Variants in MYH6 observed in about 807,000 individuals in gnomAD.
MYH6 encodes the protein myosin heavy chain 6.
A neutral mutation model predicts 223.2 loss-of-function variants in MYH6; 126 were observed. The observed-to-expected ratio is 0.56, with a 90% CI of 0.49 to 0.65. The LOEUF is 0.65. Among genes scored for constraint, MYH6 ranks in the 30% least tolerant of loss-of-function variants. The pLI, the probability that MYH6 is intolerant of heterozygous loss-of-function variation, is 0.00. For synonymous variants in MYH6, 978 were observed against 1,010.2 expected (o/e 0.97, Z 0.61); for missense variants, 2,040 against 2,536.4 (o/e 0.80, Z 4.20).
chr14:23,404,963 G>A, intron 6 of MYH6, 137 bp downstream of exon 6: 2 of 1,503,120 alleles, frequency 1.3e-6, no homozygotes, highest in Non-Finnish European at 1.8e-6. Context: ...CATTGCTCTG[G>A]CACCCCTCTA....
chr14:23,403,144 G>A (rs764088989), intron 10 of MYH6, among the ~76,000 whole-genome samples: 2 of 152,038 alleles, frequency 1.3e-5, no homozygotes, highest in African/African-American at 2.4e-5. Context: ...GGAGTGAGGT[G>A]TGTGACTGCA....
intron 9 of MYH6, 71 bp downstream of exon 9, chr14:23,403,644 G>T: frequency 7.0e-7 from 1 of 1,432,462 alleles, no homozygotes; most frequent in Non-Finnish European, 9.7e-7. Flanking sequence ...GGAATGATGA[G>T]ACTGGCCGCC....
chr14:23,403,759 T>A lies in MYH6; in HGVS notation c.755A>T (p.His252Leu). The A allele has an allele frequency of 1.2e-6, 2 of 1,612,384 alleles. No individual in the cohort carries two copies. The highest frequency in any genetic ancestry group is 8.5e-7 in the Non-Finnish European group (1 of 1,179,238). Reference protein sequence around the residue: ...SSRFGKFIRIHFGATGKLASA... With the variant: ...SSRFGKFIRILFGATGKLASA... ...AGCCAGCTTTCCAGTGGCCCCAAAG[T>A]GGATCCTAATGAATTTCCCCTGGGG... Residue 252 changes from histidine to leucine, a missense_variant, in exon 9 of 39, where the codon CAC becomes CTC. Transcript: ENST00000405093.
intron 24 of MYH6, 118 bp from the exon 25 acceptor site, chr14:23,392,770 G>C: frequency 6.8e-7 from 1 of 1,475,124 alleles, no homozygotes. Context: ...CGCCAGCCCA[G>C]AAAGTGGCGG....
intron 15 of MYH6, among the ~76,000 whole-genome samples, chr14:23,398,036 G>C (rs1891483378): frequency 8.9e-6 from 1 of 112,116 alleles, no homozygotes; most frequent in South Asian, 3.3e-4. Context: ...TTCTATTTTT[G>C]AGATGGAATC....
rs1891183858 is a variant in MYH6, at chr14:23,390,047, C to A, written c.3732+10G>T. On this transcript the variant is annotated intron_variant, in intron 26 of 38. Transcript: ENST00000405093. ...GGGGAGAGGGCGAGGGGAGGCCGAG[C>A]AGAGCCTGCCTTGGCCTTGATGATC... is the stretch of plus-strand genomic sequence containing the variant. 6.2e-7 allele frequency: 1 copy of A among 1,613,324 alleles called. No homozygotes were observed. Among genetic ancestry groups the A allele is most frequent in the African/African-American group, 1.3e-5 (1 of 74,876 alleles).
Position 23,396,979 on chromosome 14 carries a change from C to T in MYH6, c.2152G>A (p.Gly718Arg), listed in dbSNP as rs1197844622. ...RKGFPNRILY[G>R]DFRQRYRILN... ...CATACCCACCTCTGCCGGAAGTCCC[C>T]GTAGAGGATGCGGTTGGGGAAGCCC... The change falls in exon 18 of 39, where the codon GGG (glycine) becomes AGG (arginine). Residue 718 changes from glycine (G) to arginine (R), a missense_variant. Physicochemically the swap from Gly to Arg is moderately radical, Grantham distance 125. Coordinates refer to ENST00000405093, the MANE Select transcript of MYH6 (RefSeq NM_002471.4). 10 of 1,613,120 alleles carry T rather than the reference C, an allele frequency of 6.2e-6. No homozygotes were observed. The highest frequency in any genetic ancestry group is 1.3e-5 in the African/African-American group (1 of 75,016).
Position 23,393,292 on chromosome 14 carries a change from TG to T in MYH6, c.3105+49del, listed in dbSNP as rs1330631866. 2.5e-6 allele frequency: 4 copies of T among 1,611,602 alleles called. No individual in the cohort carries two copies. In the African/African-American group the frequency reaches 4.0e-5, roughly 16 times the overall value. The stretch of plus-strand genomic sequence containing the variant: ...TCAGGACTTTCTGGGCCATTGGTGT[TG>T]CCTGCAAAATCTTGCTCTGAGAGCA... On this transcript the variant is annotated intron_variant, in intron 23 of 38. Coordinates refer to ENST00000405093, the MANE Select transcript of MYH6 (RefSeq NM_002471.4).
At chr14:23,402,208 G>C (rs1393047147) in intron 12 of MYH6, among the ~76,000 whole-genome samples, 1 of 152,206 alleles carries the variant, frequency 6.6e-6, no homozygotes. Flanking sequence ...CTCAGGGGCT[G>C]TGCTTCCTGG....
rs1192081784 is a variant in MYH6, at chr14:23,396,737, G to A, written c.2249C>T (p.Ser750Phe). 1 of 1,613,874 alleles carries A rather than the reference G, an allele frequency of 6.2e-7. No individual in the cohort carries two copies. The highest frequency in any genetic ancestry group is 1.3e-5 in the African/African-American group (1 of 74,924). Reference protein sequence around the residue: ...SRKGTEKLLSSLDIDHNQYKF... With the variant: ...SRKGTEKLLSFLDIDHNQYKF... ...GTACTGGTTGTGATCAATGTCCAGA[G>A]AGCTGAGCAGCTTCTCTGTCCCCTT... Residue 750 changes from serine to phenylalanine, a missense_variant, in exon 19 of 39, where the codon TCT becomes TTT. This residue lies in a region of MYH6 where 649 missense variants were observed against 877.3 expected (regional missense o/e 0.74). Transcript: ENST00000405093.
chr14:23,392,022 T>G (rs1172044207), intron 25 of MYH6, among the ~76,000 whole-genome samples: 1 of 152,178 alleles, frequency 6.6e-6, no homozygotes, highest in African/African-American at 2.4e-5. Context: ...TGGTAGGTAT[T>G]GTCAGTCTCA....
In MYH6 at chr14:23,400,888, A is replaced by G; in HGVS notation, c.1231T>C (p.Tyr411His). The change falls in exon 13 of 39, where the codon TAT becomes CAT. Residue 411 changes from tyrosine to histidine, a missense_variant. Tyr to His is a moderately conservative substitution (Grantham distance 83, BLOSUM62 2). Around this residue, in one of 4 missense-constraint regions of MYH6, gnomAD observed 649 missense variants for 877.3 expected, o/e 0.74. Transcript: ENST00000405093. The stretch of plus-strand genomic sequence containing the variant: ...TGCACGCTCTGCCCCTTGGTGACAT[A>G]CTCGTTGCCCACTTTCACCCGAGGG... ...CHPRVKVGNE[Y>H]VTKGQSVQQV... is the part of the protein sequence containing the mutation. 1 of 1,613,954 alleles carries G rather than the reference A, an allele frequency of 6.2e-7. No homozygotes were observed. Among genetic ancestry groups the G allele is most frequent in the Non-Finnish European group, 8.5e-7 (1 of 1,180,018 alleles).
rs115845031 is a variant in MYH6, at chr14:23,394,174, C to T, written c.2579G>A (p.Arg860His). ...EMATMKEEFG[R>H]IKETLEKSEA... ...GGACTTCTCCAGCGTCTCTTTGATG[C>T]GCCCGAACTCTTCCTTCATGGTGGC... is the stretch of plus-strand genomic sequence containing the variant. Residue 860 changes from arginine (R) to histidine (H), a missense_variant, in exon 21 of 39, where the codon CGC becomes CAC. Physicochemically the swap from Arg to His is conservative, Grantham distance 29. Around this residue, in one of 4 missense-constraint regions of MYH6, gnomAD observed 1,203 missense variants for 1,400.2 expected, o/e 0.86. Coordinates refer to ENST00000405093, the MANE Select transcript of MYH6 (RefSeq NM_002471.4). 1.0e-3 allele frequency: 1,632 copies of T among 1,614,210 alleles called. 17 individuals carry two copies. The African/African-American group carries it at 0.018, about 18-fold the overall frequency.
rs938738132 is a variant in MYH6 at position 23,407,918 on chromosome 14, T to C, written c.-46-310A>G. The stretch of plus-strand genomic sequence containing the variant: ...GACAAAGAAGCATGATTGTGACAAG[T>C]GTCGATGAAGACCAAGAGGCAAGAT... On this transcript the variant is annotated intron_variant, in intron 1 of 38. Coordinates refer to ENST00000405093, the MANE Select transcript of MYH6 (RefSeq NM_002471.4). The surrounding 1 kb of genome is among the most constrained non-coding windows in gnomAD (Gnocchi z 5.6). Among the ~76,000 whole-genome samples the C allele has an allele frequency of 2.6e-5, 4 of 151,782 alleles. No homozygotes were observed. The highest frequency in any genetic ancestry group is 9.7e-5 in the African/African-American group (4 of 41,280).
At chr14:23,395,565 C>T (rs570317156) in intron 20 of MYH6, among the ~76,000 whole-genome samples, 254 of 151,564 alleles carry the variant, frequency 1.7e-3, no homozygotes, top group African/African-American at 5.9e-3. Flanking sequence ...CTCGCTCTGT[C>T]GCCCAGGCTA....
rs941783345 is a variant in MYH6 at position 23,389,191 on chromosome 14, G to A, written c.3979-136C>T. ...GCTGATGTGGCACCTCACTGTTTGA[G>A]GAGTTTCCCAGTCTGCTCACCCCAT... is the stretch of plus-strand genomic sequence containing the variant. On this transcript the variant is annotated intron_variant, in intron 28 of 38. Transcript: ENST00000405093. The A allele has an allele frequency of 4.0e-6, 5 of 1,237,026 alleles. No individual in the cohort carries two copies. The East Asian group carries it at 1.2e-4, about 30-fold the overall frequency. 76.6% of individuals were successfully genotyped at this position (1,237,026 alleles called of 1,614,324 possible).
intron 12 of MYH6, among the ~76,000 whole-genome samples, chr14:23,402,114 A>T (rs1891619749): frequency 6.6e-6 from 1 of 152,216 alleles, no homozygotes; most frequent in South Asian, 2.1e-4. Flanking sequence ...ACTGCCTCCC[A>T]AACAACATGG....
Position 23,403,461 on chromosome 14 carries a change from G to A in MYH6, c.800-15C>T. ...CTCCAGCAGGTCTGAGGTGGGTGGA[G>A]GGGAGGAAGGCAGGTGAGGAAGGAA... On this transcript the variant is annotated splice_polypyrimidine_tract_variant and intron_variant, in intron 9 of 38. Coordinates refer to ENST00000405093, the MANE Select transcript of MYH6 (RefSeq NM_002471.4). 2 of 1,605,236 alleles carry A rather than the reference G, an allele frequency of 1.2e-6. No individual in the cohort carries two copies. Among genetic ancestry groups the A allele is most frequent in the South Asian group, 1.1e-5 (1 of 90,880 alleles).
intron 13 of MYH6, 31 bp downstream of exon 13, chr14:23,400,678 T>G: frequency 6.2e-7 from 1 of 1,614,206 alleles, no homozygotes; most frequent in African/African-American, 1.3e-5. Flanking sequence ...AGCGAGTGAT[T>G]GTTCTCCCAC....
Sources: gnomAD v4.1 joint callset for allele counts (sites outside exome capture counted in the v4.1 genomes callset) on GRCh38, gnomAD v4.1.1 for gene constraint, gnomAD v4.1.1 regional missense constraint, Gnocchi (gnomAD v3.1) non-coding constraint, MANE v1.5 for transcripts, NCBI Gene and HGNC (gene_info 2026-07-23, HGNC 2026-07-21) for gene names.